MYH4: variants seen among roughly 807,000 people sequenced by gnomAD.
The protein encoded by MYH4 is myosin heavy chain 4.
A neutral mutation model predicts 229.9 loss-of-function variants in MYH4; 200 were observed. The ratio of observed to expected loss-of-function variants is 0.87; its 90% confidence interval spans 0.78 to 0.98. The LOEUF (loss-of-function observed/expected upper bound fraction) is 0.98, where lower values mean the gene tolerates loss of function less well. Among genes scored for constraint, MYH4 ranks in the 50% least tolerant of loss-of-function variants. The pLI, the probability that MYH4 is intolerant of heterozygous loss-of-function variation, is 0.00. For synonymous variants in MYH4, 761 were observed against 834.6 expected, an observed-to-expected ratio of 0.91 and a Z score of 1.52; for missense variants, 2,148 against 2,332.6, an observed-to-expected ratio of 0.92 and a Z score of 1.63.
intron 16 of MYH4, 85 bp from the exon 17 acceptor site, chr17:10,456,640 T>G: frequency 1.9e-6 from 2 of 1,061,932 alleles, no homozygotes; most frequent in Non-Finnish European, 2.9e-6. Context: ...CAAAATTCCC[T>G]TTAGAATTTA....
rs764089034 is a variant in MYH4, at chr17:10,446,976, G to A, written c.5169+37C>T. The A allele has an allele frequency of 2.5e-6, 4 of 1,578,862 alleles. No homozygotes were observed. In the Admixed American group the frequency reaches 5.1e-5, roughly 20 times the overall value. ...TCTTCTCAAATTATCTTCAGCTTCA[G>A]GGAGTACATTTTCTAAACCATAGTC... On this transcript the variant is annotated intron_variant, in intron 35 of 39. Transcript: ENST00000255381.
chr17:10,453,030 A>G (rs2072595702), intron 24 of MYH4, 98 bp from the exon 25 acceptor site: 2 of 1,584,974 alleles, frequency 1.3e-6, no homozygotes, highest in African/African-American at 1.4e-5. Context: ...TAAAGATACA[A>G]CAAATAGCAC....
intron 27 of MYH4, 86 bp from the exon 28 acceptor site, chr17:10,451,538 AG>A: frequency 7.1e-7 from 1 of 1,413,114 alleles, no homozygotes; most frequent in Non-Finnish European, 9.6e-7. Flanking sequence ...ACCTGTGGAA[AG>A]GGGCTGATTT....
In MYH4 at chr17:10,453,057, G is replaced by C; in HGVS notation, c.3111+95C>G. The C allele has an allele frequency of 3.8e-6, 6 of 1,594,700 alleles. No individual in the cohort carries two copies. The East Asian group carries it at 1.3e-4, about 36-fold the overall frequency. On this transcript the variant is annotated intron_variant, in intron 24 of 39. Coordinates refer to ENST00000255381, the MANE Select transcript of MYH4 (RefSeq NM_017533.2). ...AAATAGCACAAGAACTTTATTCACA[G>C]ACCAAGCGTTAAAGGCTTATGACTA...
Position 10,463,716 on chromosome 17 carries a change from C to G in MYH4, c.649-73G>C, listed in dbSNP as rs1421883017. The G allele has an allele frequency of 1.2e-5, 14 of 1,149,458 alleles. No homozygotes were observed. In the East Asian group the frequency reaches 1.7e-4, roughly 14 times the overall value. 71.2% of individuals were successfully genotyped at this position (1,149,458 alleles called of 1,614,324 possible). ...AATTTCCCATTGACCTCTTTCCCTTCCCCATTGCCCCTGCACAGTATTCTG... is the reference window on the plus strand; with the variant it reads ...AATTTCCCATTGACCTCTTTCCCTTGCCCATTGCCCCTGCACAGTATTCTG... On this transcript the variant is annotated intron_variant, in intron 7 of 39. Transcript: ENST00000255381.
At chr17:10,455,559 A>G (rs573448398) in intron 19 of MYH4, 55 bp downstream of exon 19, 57 of 1,593,322 alleles carry the variant, frequency 3.6e-5, no homozygotes, top group African/African-American at 9.4e-5. Context: ...TTGGAATTAT[A>G]TAGTGATTTT....
chr17:10,465,826 G>C (rs1451630287), intron 4 of MYH4, among the ~76,000 whole-genome samples: 2 of 138,304 alleles, frequency 1.4e-5, no homozygotes, highest in African/African-American at 5.4e-5. Flanking sequence ...CCAGGCTGGA[G>C]TGCAGTGGCG....
intron 28 of MYH4, 31 bp downstream of exon 28, chr17:10,451,295 C>T: frequency 6.2e-7 from 1 of 1,610,554 alleles, no homozygotes; most frequent in Non-Finnish European, 8.5e-7. Flanking sequence ...TTCGTCACCT[C>T]TCCGAAGGTT....
At chr17:10,458,720 T>A (rs956999002) in intron 15 of MYH4, among the ~76,000 whole-genome samples, 1 of 152,192 alleles carries the variant, frequency 6.6e-6, no homozygotes, top group East Asian at 1.9e-4. Flanking sequence ...ACCCCCTTAG[T>A]AATGGGGAAT....
intron 30 of MYH4, among the ~76,000 whole-genome samples, chr17:10,449,697 T>G (rs1281185719): frequency 6.6e-6 from 1 of 152,200 alleles, no homozygotes; most frequent in Non-Finnish European, 1.5e-5. Context: ...TGGTGGCCTT[T>G]GATAATAAAT....
intron 35 of MYH4, among the ~76,000 whole-genome samples, chr17:10,446,444 A>G (rs953529425): frequency 1.3e-5 from 2 of 152,286 alleles, no homozygotes; most frequent in South Asian, 2.1e-4. Context: ...TTAACTTACT[A>G]TAATATAAAC....
At chr17:10,460,867 T>C (rs752823187) in intron 12 of MYH4, 49 bp downstream of exon 12, 2 of 1,604,938 alleles carry the variant, frequency 1.2e-6, no homozygotes, top group South Asian at 1.1e-5. Flanking sequence ...CTCTGAAAAG[T>C]TCACTATGTC....
intron 7 of MYH4, 72 bp downstream of exon 7, chr17:10,464,400 G>C (rs561895471): frequency 4.0e-6 from 5 of 1,262,592 alleles, no homozygotes; most frequent in Non-Finnish European, 5.6e-6. Flanking sequence ...TCTGTATACA[G>C]TCTACTGTTG....
chr17:10,465,692 C>T (rs1483755601), intron 4 of MYH4, 94 bp from the exon 5 acceptor site: 15 of 1,493,170 alleles, frequency 1.0e-5, no homozygotes, highest in Non-Finnish European at 1.4e-5. Context: ...GACCTAAGTA[C>T]TGTGTTAGTT....
chr17:10,455,780 A>G (rs200625792), intron 18 of MYH4, 34 bp downstream of exon 18: 310 of 1,614,066 alleles, frequency 1.9e-4, no homozygotes, highest in Non-Finnish European at 2.5e-4. Flanking sequence ...TCGCACACAC[A>G]CTGGAGCTTG....
At position 10,463,532 on chromosome 17, in the gene MYH4, T is replaced by C. The variant is rs1325142024; in HGVS notation, c.741+19A>G. On this transcript the variant is annotated intron_variant, in intron 8 of 39. Transcript: ENST00000255381. The stretch of plus-strand genomic sequence containing the variant: ...GAATCAGTGCTGATCCTCAAGAAAA[T>C]GAAGATCAAGAGACTTACAAAGCGA... 5.6e-6 allele frequency: 9 copies of C among 1,604,370 alleles called. No homozygotes were observed. The highest frequency in any genetic ancestry group is 7.7e-6 in the Non-Finnish European group (9 of 1,171,606).
In MYH4 at chr17:10,443,923, A is replaced by AC. The variant is rs1321833442; in HGVS notation, c.5668-397_5668-396insG. Among the ~76,000 whole-genome samples, 7 of 151,846 alleles carry AC rather than the reference A, an allele frequency of 4.6e-5. No homozygotes were observed. Among genetic ancestry groups the AC allele is most frequent in the African/African-American group, 1.7e-4 (7 of 41,516 alleles). ...AGCAAAACTCTGCCTCGAAAAAAAA[A>AC]AAAAGAAGAGAAAAAGGCTTTATTA... is the stretch of plus-strand genomic sequence containing the variant. On this transcript the variant is annotated intron_variant, in intron 39 of 39. Transcript: ENST00000255381. This position sits in a 1 kb window ranked among gnomAD's most constrained non-coding sequence, Gnocchi z 4.6.
intron 5 of MYH4, 21 bp from the exon 6 acceptor site, chr17:10,464,729 A>C: frequency 6.2e-7 from 1 of 1,611,114 alleles, no homozygotes; most frequent in Non-Finnish European, 8.5e-7. Flanking sequence ...GAAGCCAAAG[A>C]TAATATTTAG....
chr17:10,467,170 A>G (rs1228384007), intron 2 of MYH4, among the ~76,000 whole-genome samples: 1 of 152,222 alleles, frequency 6.6e-6, no homozygotes, highest in Non-Finnish European at 1.5e-5. Flanking sequence ...ATACAAAGAA[A>G]TGGACAATAA....
Sources: allele counts gnomAD v4.1 joint callset (sites outside exome capture counted in the v4.1 genomes callset), GRCh38; gene constraint gnomAD v4.1.1; non-coding constraint Gnocchi (gnomAD v3.1); transcripts MANE v1.5; gene names NCBI Gene and HGNC (gene_info 2026-07-23, HGNC 2026-07-21).